Variants in MCTP1 observed in about 807,000 individuals in gnomAD.
MCTP1 encodes the protein multiple C2 and transmembrane domain-containing protein 1.
A neutral mutation model predicts 120.6 loss-of-function variants in MCTP1; 69 were observed. The observed-to-expected ratio is 0.57, with a 90% CI of 0.47 to 0.70. MCTP1 has a LOEUF of 0.70. Among genes scored for constraint, MCTP1 ranks in the 30% least tolerant of loss-of-function variants. The pLI, the probability that MCTP1 is intolerant of heterozygous loss-of-function variation, is 0.00. For missense variants in MCTP1, 1,203 were observed against 1,248.8 expected, an observed-to-expected ratio of 0.96 and a Z score of 0.55; for synonymous variants, 529 against 493.1, an observed-to-expected ratio of 1.07 and a Z score of -0.96.
chr5:95,164,819 G>A (rs1449944230), intron 1 of MCTP1, among the ~76,000 whole-genome samples: 1 of 151,986 alleles, frequency 6.6e-6, no homozygotes, highest in Non-Finnish European at 1.5e-5. Flanking sequence ...AACTCCAAGT[G>A]GCCTAATACA....
Position 95,200,110 on chromosome 5 carries a change from G to A in MCTP1, c.720+83746C>T, listed in dbSNP as rs373571925. Reference sequence around the variant, plus strand: ...CGGGAGGCGGAAGTTGCGGTGAGCCGAGATCGTGCCACTGCACTCCAGCCT... The same window carrying A: ...CGGGAGGCGGAAGTTGCGGTGAGCCAAGATCGTGCCACTGCACTCCAGCCT... On this transcript the variant is annotated intron_variant, in intron 1 of 22. Coordinates refer to ENST00000515393, the MANE Select transcript of MCTP1 (RefSeq NM_024717.7). Among the ~76,000 whole-genome samples, 196 of 151,284 alleles carry A rather than the reference G, an allele frequency of 1.3e-3. 2 individuals are homozygous for A. The highest frequency in any genetic ancestry group is 3.3e-3 in the Admixed American group (50 of 15,214).
At chr5:94,983,671 CT>C (rs1829924786) in intron 2 of MCTP1, among the ~76,000 whole-genome samples, 7 of 8,160 alleles carry the variant, frequency 8.6e-4, no homozygotes, top group Non-Finnish European at 2.0e-3. Flanking sequence ...GTCTGTCAAT[CT>C]ATCTATCTAT....
rs1269397415 is a variant in MCTP1, at chr5:95,077,472, A to T, written c.721-59988T>A. Reference sequence around the variant, plus strand: ...GAAGTAAGCAATTATGGTTCATTATATATACTTTTTTTTTTTTTGAGACGG... The same window carrying T: ...GAAGTAAGCAATTATGGTTCATTATTTATACTTTTTTTTTTTTTGAGACGG... On this transcript the variant is annotated intron_variant, in intron 1 of 22. Coordinates refer to ENST00000515393, the MANE Select transcript of MCTP1 (RefSeq NM_024717.7). Among the ~76,000 whole-genome samples, 3 of 151,568 alleles carry T rather than the reference A, an allele frequency of 2.0e-5. No individual in the cohort carries two copies. The East Asian group carries it at 5.8e-4, about 29-fold the overall frequency.
At chr5:94,823,457 T>C (rs1183486492) in intron 17 of MCTP1, among the ~76,000 whole-genome samples, 2 of 152,228 alleles carry the variant, frequency 1.3e-5, no homozygotes, top group Non-Finnish European at 2.9e-5. Flanking sequence ...CCTTGTAGTA[T>C]AGTTTGAAGT....
chr5:95,143,178 A>G (rs1760086554), intron 1 of MCTP1, among the ~76,000 whole-genome samples: 1 of 152,138 alleles, frequency 6.6e-6, no homozygotes. Flanking sequence ...AGCAGAATAT[A>G]GAAGAATGGC....
chr5:94,746,458 TAAGTA>T (rs1766929913), intron 19 of MCTP1, among the ~76,000 whole-genome samples: 2 of 152,366 alleles, frequency 1.3e-5, no homozygotes, highest in South Asian at 4.1e-4. Context: ...TGATGCTCTT[TAAGTA>T]GTTACAGAAA....
intron 12 of MCTP1, among the ~76,000 whole-genome samples, chr5:94,876,350 G>A (rs1281303566): frequency 6.6e-6 from 1 of 151,962 alleles, no homozygotes; most frequent in Non-Finnish European, 1.5e-5. Context: ...GGAGTACCTG[G>A]GTTGTGGGGT....
At chr5:94,871,778 T>C (rs1797894579) in intron 13 of MCTP1, among the ~76,000 whole-genome samples, 1 of 152,090 alleles carries the variant, frequency 6.6e-6, no homozygotes, top group Admixed American at 6.6e-5. Context: ...ATTCATACCT[T>C]CCCATTATCC....
At chr5:95,181,801 AAG>A (rs1235593524) in intron 1 of MCTP1, among the ~76,000 whole-genome samples, 3 of 152,230 alleles carry the variant, frequency 2.0e-5, no homozygotes, top group African/African-American at 7.2e-5. Context: ...GCTATGTGAA[AAG>A]AGAGATGTGC....
intron 18 of MCTP1, among the ~76,000 whole-genome samples, chr5:94,791,459 C>T (rs1351767309): frequency 1.3e-5 from 2 of 151,460 alleles, no homozygotes. Flanking sequence ...GGCACCACTG[C>T]ACTCCAGCCT....
chr5:94,862,667 C>T lies in MCTP1; in HGVS notation c.2436+5666G>A, dbSNP rs535357633. The stretch of plus-strand genomic sequence containing the variant: ...ACCCAGCTCATTTGTACCTTATACT[C>T]TTTGGGGGCCTTTTATATAATTGCA... On this transcript the variant is annotated intron_variant, in intron 17 of 22. Transcript: ENST00000515393. 4.6e-5 allele frequency among the ~76,000 whole-genome samples: 7 copies of T among 151,842 alleles called. No homozygotes were observed. The South Asian group carries it at 1.5e-3, about 32-fold the overall frequency.
In MCTP1 at chr5:94,703,866, A is replaced by AT. The variant is rs1753973126; in HGVS notation, c.*3629dup. ...TATTTGCATACTATTTTTTAATGAG[A>AT]TTTTTCAATAGTATTTCTCAAATTT... On this transcript the variant is annotated 3_prime_UTR_variant, in exon 23 of 23. Transcript: ENST00000515393. 6.6e-6 allele frequency: 1 copy of AT among 150,884 alleles called. No homozygotes were observed. Among genetic ancestry groups the AT allele is most frequent in the African/African-American group, 2.4e-5 (1 of 41,186 alleles). The allele number at this position is 150,884 out of a possible 1,614,324, so 9.3% of individuals were successfully genotyped here.
intron 1 of MCTP1, among the ~76,000 whole-genome samples, chr5:95,108,759 G>C (rs1393980302): frequency 6.6e-6 from 1 of 152,158 alleles, no homozygotes; most frequent in Non-Finnish European, 1.5e-5. Context: ...CTCATACCTA[G>C]TGGATGCTGA....
At chr5:94,852,595 C>A (rs1039928366) in intron 17 of MCTP1, among the ~76,000 whole-genome samples, 7 of 151,914 alleles carry the variant, frequency 4.6e-5, no homozygotes, top group Non-Finnish European at 1.5e-5. Flanking sequence ...AAAATAGTGT[C>A]ATTATTCTGT....
At chr5:94,862,833 A>G (rs1349788291) in intron 17 of MCTP1, among the ~76,000 whole-genome samples, 1 of 151,852 alleles carries the variant, frequency 6.6e-6, no homozygotes, top group Non-Finnish European at 1.5e-5. Context: ...TATTTTGAGT[A>G]GCAATTTGAT....
intron 19 of MCTP1, among the ~76,000 whole-genome samples, chr5:94,749,372 C>T (rs1001623701): frequency 3.9e-5 from 6 of 152,024 alleles, no homozygotes; most frequent in Admixed American, 1.3e-4. Flanking sequence ...AACATCTTAT[C>T]GGCCAGCTGT....
chr5:95,192,141 T>TA (rs574787380), intron 1 of MCTP1, among the ~76,000 whole-genome samples: 59 of 149,698 alleles, frequency 3.9e-4, no homozygotes, highest in Non-Finnish European at 7.7e-4. Flanking sequence ...TCCCAAGGGA[T>TA]AAAAAAAAGT....
chr5:95,036,629 C>G (rs147224461), intron 1 of MCTP1, among the ~76,000 whole-genome samples: 22 of 152,196 alleles, frequency 1.4e-4, no homozygotes, highest in African/African-American at 5.1e-4. Flanking sequence ...CCCAAAGAAC[C>G]AAAGGAATAT....
chr5:95,202,918 G>A lies in MCTP1; in HGVS notation c.720+80938C>T, dbSNP rs140130152. Among the ~76,000 whole-genome samples the A allele has an allele frequency of 4.9e-3, 748 of 152,018 alleles. 7 individuals are homozygous for A. The highest frequency in any genetic ancestry group is 0.041 in the East Asian group (213 of 5,164). The stretch of plus-strand genomic sequence containing the variant: ...AATTTTTTGTATTTTTGGTACAGAC[G>A]GGGTTTCACCGTGTTGGCCAGGCTG... On this transcript the variant is annotated intron_variant, in intron 1 of 22. Coordinates refer to ENST00000515393, the MANE Select transcript of MCTP1 (RefSeq NM_024717.7).
Sources: allele counts gnomAD v4.1 joint callset (sites outside exome capture counted in the v4.1 genomes callset), GRCh38; gene constraint gnomAD v4.1.1; transcripts MANE v1.5; gene names NCBI Gene and HGNC (gene_info 2026-07-23, HGNC 2026-07-21).